Variants in NPAS1 observed in about 807,000 individuals in gnomAD.
The protein encoded by NPAS1 is neuronal PAS domain protein 1.
Under a neutral mutation model 49.2 loss-of-function variants are expected in NPAS1, and 29 were observed. That is an observed-to-expected ratio of 0.59 (90% confidence interval 0.44 to 0.80). The LOEUF (loss-of-function observed/expected upper bound fraction) is 0.80, where lower values mean the gene tolerates loss of function less well. Ranked by LOEUF, NPAS1 falls within the 30% of genes least tolerant of loss-of-function variation. The pLI is 0.00. For synonymous variants in NPAS1, 408 were observed against 380.4 expected (o/e 1.07, Z -0.84); for missense variants, 825 against 835.5 (o/e 0.99, Z 0.15).
In NPAS1 at chr19:47,025,268, A is replaced by AG. The variant is rs2056864179; in HGVS notation, c.358+3425dup. 1.5e-5 allele frequency among the ~76,000 whole-genome samples: 2 copies of AG among 133,972 alleles called. 1 individual carries two copies. The highest frequency in any genetic ancestry group is 1.7e-4 in the Admixed American group (2 of 11,546). The allele number at this position is 133,972 out of a possible 152,430, so 87.9% of individuals were successfully genotyped here. The stretch of plus-strand genomic sequence containing the variant: ...AGTGACTGTGGCAGTTGAGGGAAGG[A>AG]GGGGTGACATCTTTATTTATTTATT... On this transcript the variant is annotated intron_variant, in intron 3 of 11. Coordinates refer to ENST00000602212, the MANE Select transcript of NPAS1 (RefSeq NM_002517.4).
Position 47,045,262 on chromosome 19 carries a change from C to T in NPAS1, c.1384C>T (p.Arg462Cys), listed in dbSNP as rs201116652. 2.5e-6 allele frequency: 4 copies of T among 1,614,014 alleles called. No homozygotes were observed. Among genetic ancestry groups the T allele is most frequent in the South Asian group, 2.2e-5 (2 of 91,074 alleles). The part of the protein sequence containing the change: ...ENEAPQTQGK[R>C]IKVEPGPRET... The stretch of plus-strand genomic sequence containing the variant: ...CGAGGCCCCCCAGACCCAGGGCAAA[C>T]GCATCAAAGTGGAGCCCGGCCCGAG... The change falls in exon 12 of 12, where the codon CGC becomes TGC. Residue 462 changes from arginine (R) to cysteine (C), a missense_variant. Physicochemically the swap from Arg to Cys is radical, Grantham distance 180. Transcript: ENST00000602212.
In NPAS1 at chr19:47,021,111, G is replaced by A. The variant is rs1245919091; in HGVS notation, c.64G>A (p.Ala22Thr). The change falls in exon 2 of 12, where the codon GCC becomes ACC. Residue 22 changes from alanine to threonine, a missense_variant. By Grantham distance (58) the Ala-to-Thr change is moderately conservative. Transcript: ENST00000602212. This position sits in a 1 kb window ranked among gnomAD's most constrained non-coding sequence, Gnocchi z 5.7. ...GGTCAAATGCGTGGGAGGCCGCGGC[G>A]CCAGCGTCCCCTGGGACTTTCTACC... ...SEVKCVGGRG[A>T]SVPWDFLPGL... 2 of 1,602,280 alleles carry A rather than the reference G, an allele frequency of 1.2e-6. No homozygotes were observed. The highest frequency in any genetic ancestry group is 1.4e-5 in the African/African-American group (1 of 73,592).
Position 47,045,699 on chromosome 19 carries a change from C to A in NPAS1, c.*48C>A. On this transcript the variant is annotated 3_prime_UTR_variant, in exon 12 of 12. Transcript: ENST00000602212. ...CGGACCCTGCGACAACCGGGGTCCCCCAGGACAGTAGGCCCGGCTCTGCCC... is the reference window on the plus strand; with the variant it reads ...CGGACCCTGCGACAACCGGGGTCCCACAGGACAGTAGGCCCGGCTCTGCCC... 7.4e-7 allele frequency: 1 copy of A among 1,359,184 alleles called. No individual in the cohort carries two copies. The highest frequency in any genetic ancestry group is 1.6e-5 in the South Asian group (1 of 63,022). The allele number at this position is 1,359,184 out of a possible 1,614,324, so 84.2% of individuals were successfully genotyped here.
At chr19:47,040,880 T>G in intron 9 of NPAS1, 98 bp from the exon 10 acceptor site, 1 of 1,048,968 alleles carries the variant, frequency 9.5e-7, no homozygotes, top group Non-Finnish European at 1.3e-6. Context: ...CCCACTCCCC[T>G]GCTCTCACTC....
At position 47,045,405 on chromosome 19, in the gene NPAS1, G is replaced by C. The variant is rs1300339407; in HGVS notation, c.1527G>C (p.Arg509=). The C allele has an allele frequency of 3.7e-6, 6 of 1,611,130 alleles. No homozygotes were observed. The highest frequency in any genetic ancestry group is 5.1e-6 in the Non-Finnish European group (6 of 1,179,108). The change falls in exon 12 of 12, where the codon CGG becomes CGC. Residue 509 remains arginine, a synonymous_variant. Coordinates refer to ENST00000602212, the MANE Select transcript of NPAS1 (RefSeq NM_002517.4). ...GGGTCCTGAAGCAGGATCCGGTGCG[G>C]CCATGGGGCCTGGCGCCTCCCGGGG... is the stretch of plus-strand genomic sequence containing the variant. ...RAGVLKQDPV[R]PWGLAPPGDP...
In NPAS1 at chr19:47,036,005, T is replaced by G. The variant is rs1236037003; in HGVS notation, c.564T>G (p.Pro188=). ...GCAGCGTCTTCGACTACATTCACCC[T>G]GGGGACCACTCAGAGGTGCTGGAGC... ...TGSSVFDYIH[P]GDHSEVLEQL... Residue 188 remains proline, a synonymous_variant, in exon 6 of 12, where the codon CCT becomes CCG. Coordinates refer to ENST00000602212, the MANE Select transcript of NPAS1 (RefSeq NM_002517.4). 6.3e-7 allele frequency: 1 copy of G among 1,581,850 alleles called. No individual in the cohort carries two copies. Among genetic ancestry groups the G allele is most frequent in the African/African-American group, 1.4e-5 (1 of 73,526 alleles).
intron 3 of NPAS1, among the ~76,000 whole-genome samples, chr19:47,025,805 G>C (rs1445281929): frequency 6.6e-6 from 1 of 151,836 alleles, no homozygotes; most frequent in Non-Finnish European, 1.5e-5. Context: ...ACATTCCTGG[G>C]ATCAAGTGAT....
At chr19:47,020,922 A>G (rs1568498709) in intron 1 of NPAS1, 84 bp from the exon 2 acceptor site, 6 of 248,916 alleles carry the variant, frequency 2.4e-5, no homozygotes, top group South Asian at 5.1e-5. Context: ...CCTTGCTGGG[A>G]CCCTGAGCCC....
At position 47,021,163 on chromosome 19, in the gene NPAS1, GACCGTGGTGAGCA is replaced by G; in HGVS notation, c.118_122+8del. The G allele has an allele frequency of 6.3e-7, 1 of 1,583,730 alleles. No individual in the cohort carries two copies. The highest frequency in any genetic ancestry group is 8.6e-7 in the Non-Finnish European group (1 of 1,167,068). ...GGGCTGATGGTCAAGGCGCCGTCCG[GACCGTGGTGAGCA>G]AAGCCCCGCCCCCCTGGCCGCGGGC... On this transcript the variant is annotated splice_donor_variant and splice_donor_5th_base_variant and coding_sequence_variant and intron_variant, in exon 2 of 12. Coordinates refer to ENST00000602212, the MANE Select transcript of NPAS1 (RefSeq NM_002517.4). LOFTEE classifies it high-confidence loss of function. The surrounding 1 kb of genome is among the most constrained non-coding windows in gnomAD (Gnocchi z 5.7).
At chr19:47,026,064 C>G (rs2056869163) in intron 3 of NPAS1, among the ~76,000 whole-genome samples, 1 of 151,996 alleles carries the variant, frequency 6.6e-6, no homozygotes, top group Non-Finnish European at 1.5e-5. Context: ...CTCAGCCTCC[C>G]AAGTAGCTGG....
At chr19:47,035,828 T>C (rs2056947921) in intron 5 of NPAS1, 136 bp from the exon 6 acceptor site, 3 of 888,986 alleles carry the variant, frequency 3.4e-6, no homozygotes, top group Admixed American at 6.6e-5. Flanking sequence ...TTTTGTTTTT[T>C]TCTTTTCTTA....
intron 5 of NPAS1, among the ~76,000 whole-genome samples, chr19:47,033,452 G>T (rs1264848895): frequency 6.6e-6 from 1 of 151,482 alleles, no homozygotes; most frequent in Non-Finnish European, 1.5e-5. Flanking sequence ...ATGTTGGTCA[G>T]GCTTGTCTTG....
intron 11 of NPAS1, among the ~76,000 whole-genome samples, chr19:47,044,454 G>A (rs1411258959): frequency 6.6e-6 from 1 of 152,164 alleles, no homozygotes; most frequent in Non-Finnish European, 1.5e-5. Context: ...GGCCACATGT[G>A]GCCAGTGGCT....
In NPAS1 at chr19:47,021,579, C is replaced by A. The variant is rs973435182; in HGVS notation, c.123-33C>A. The A allele has an allele frequency of 1.4e-6, 2 of 1,404,210 alleles. No homozygotes were observed. The highest frequency in any genetic ancestry group is 1.9e-6 in the Non-Finnish European group (2 of 1,072,052). The allele number at this position is 1,404,210 out of a possible 1,614,324, so 87.0% of individuals were successfully genotyped here. A position where few individuals can be genotyped will look rare whatever the true frequency, so the allele number is the denominator to read the frequency against. ...TTCCCAAGCCCCTGAGCCCCGGGGCCCCGCCGACACCTCCTCCGCGCCGCC... is the reference window on the plus strand; with the variant it reads ...TTCCCAAGCCCCTGAGCCCCGGGGCACCGCCGACACCTCCTCCGCGCCGCC... On this transcript the variant is annotated intron_variant, in intron 2 of 11. Transcript: ENST00000602212. The surrounding 1 kb of genome is among the most constrained non-coding windows in gnomAD (Gnocchi z 5.7).
At chr19:47,038,483 C>G (rs2056984127) in intron 6 of NPAS1, among the ~76,000 whole-genome samples, 1 of 148,678 alleles carries the variant, frequency 6.7e-6, no homozygotes, top group Non-Finnish European at 1.5e-5. Flanking sequence ...TGCCACTGCA[C>G]TCTAGCCTGG....
At chr19:47,030,017 TTTTG>T (rs934959498) in intron 3 of NPAS1, among the ~76,000 whole-genome samples, 3 of 152,000 alleles carry the variant, frequency 2.0e-5, no homozygotes, top group Admixed American at 2.0e-4. Flanking sequence ...TTTGTTTTGT[TTTTG>T]TTTTTGTTTG....
intron 8 of NPAS1, 121 bp downstream of exon 8, chr19:47,039,685 G>A (rs552897306): frequency 4.6e-5 from 50 of 1,083,366 alleles, no homozygotes; most frequent in South Asian, 1.1e-4. Context: ...ATGGGAGGCG[G>A]AACAGCAATG....
At chr19:47,034,971 C>G (rs1166538955) in intron 5 of NPAS1, among the ~76,000 whole-genome samples, 1 of 150,954 alleles carries the variant, frequency 6.6e-6, no homozygotes, top group Admixed American at 6.6e-5. Flanking sequence ...CACCTGAGGT[C>G]GGGAGTTTGA....
chr19:47,038,485 C>CGTGCCACTGCACTG (rs1471661864), intron 6 of NPAS1, among the ~76,000 whole-genome samples: 2 of 146,712 alleles, frequency 1.4e-5, no homozygotes, highest in African/African-American at 2.6e-5. Context: ...CCACTGCACT[C>CGTGCCACTGCACTG]TAGCCTGGTG....
Sources: allele counts gnomAD v4.1 joint callset (sites outside exome capture counted in the v4.1 genomes callset), GRCh38; gene constraint gnomAD v4.1.1; non-coding constraint Gnocchi (gnomAD v3.1); transcripts MANE v1.5; gene names NCBI Gene and HGNC (gene_info 2026-07-23, HGNC 2026-07-21).